Variants in SPTBN2 observed in about 807,000 individuals in gnomAD.
SPTBN2 encodes the protein spectrin beta chain, non-erythrocytic 2.
In SPTBN2, 107 loss-of-function variants were observed where a neutral mutation model predicts 284.2. The observed-to-expected ratio is 0.38, with a 90% CI of 0.32 to 0.44. The LOEUF is 0.44. Ranked by LOEUF, SPTBN2 falls within the 20% of genes least tolerant of loss-of-function variation. The probability of loss-of-function intolerance (pLI) is 1.00; values close to 1 mark genes in which losing one functional copy is unlikely to be tolerated. For synonymous variants in SPTBN2, 1,289 were observed against 1,354.8 expected (o/e 0.95, Z 1.07); for missense variants, 2,569 against 3,287.1 (o/e 0.78, Z 5.34).
chr11:66,703,388 T>C (rs7944095), intron 15 of SPTBN2, among the ~76,000 whole-genome samples: 1,636 of 152,024 alleles, frequency 0.011, 38 homozygotes, highest in African/African-American at 0.037. Flanking sequence ...GACCTAATTA[T>C]ATTTTTTTAA....
rs748517894 is a variant in SPTBN2 at position 66,698,715 on chromosome 11, T to G, written c.3938A>C (p.His1313Pro). The part of the protein sequence containing the change: ...DVSYDEARNL[H>P]TKWQKHQAFM... Reference sequence around the variant, plus strand: ...TGCCTGGTGCTTCTGCCACTTAGTATGCAGGTTGCGGGCCTCGTCATAGGA... The same window carrying G: ...TGCCTGGTGCTTCTGCCACTTAGTAGGCAGGTTGCGGGCCTCGTCATAGGA... The change falls in exon 20 of 38, where the codon CAT becomes CCT. Residue 1313 changes from histidine (H) to proline (P), a missense_variant. Transcript: ENST00000533211. 4 of 1,614,250 alleles carry G rather than the reference T, an allele frequency of 2.5e-6. No individual in the cohort carries two copies. The highest frequency in any genetic ancestry group is 3.3e-5 in the Admixed American group (2 of 60,028).
At chr11:66,739,112 TTTAA>T (rs1565167029) in intron 1 of SPTBN2, among the ~76,000 whole-genome samples, 2 of 151,584 alleles carry the variant, frequency 1.3e-5, no homozygotes, top group African/African-American at 4.9e-5. Flanking sequence ...GGGCCTAAGT[TTTAA>T]TTTTTTTAAA....
At chr11:66,735,546 T>C (rs1380790712) in intron 1 of SPTBN2, among the ~76,000 whole-genome samples, 2 of 151,912 alleles carry the variant, frequency 1.3e-5, no homozygotes, top group Non-Finnish European at 2.9e-5. Context: ...CCTCCATCTT[T>C]ACAAAAACTT....
At position 66,691,402 on chromosome 11, in the gene SPTBN2, C is replaced by T; in HGVS notation, c.5447G>A (p.Arg1816Gln). ...AAGCTGCTGCTGCTTGTGCTGCACC[C>T]GCGCCAGGGCTTGGCGTGCCCCGTG... ...FLHGARQALA[R>Q]VQHKQQQLPD... The change falls in exon 27 of 38, where the codon CGG (arginine) becomes CAG (glutamine). Residue 1816 changes from arginine to glutamine, a missense_variant. Physicochemically the swap from Arg to Gln is conservative, Grantham distance 43 (BLOSUM62 1). This residue lies in a region of SPTBN2 where 1,130 missense variants were observed against 1,317.3 expected (regional missense o/e 0.86). Transcript: ENST00000533211. The surrounding 1 kb of genome is among the most constrained non-coding windows in gnomAD (Gnocchi z 8.0). The T allele has an allele frequency of 6.2e-7, 1 of 1,609,588 alleles. No individual in the cohort carries two copies. Among genetic ancestry groups the T allele is most frequent in the South Asian group, 1.1e-5 (1 of 90,912 alleles).
chr11:66,716,090 G>A, intron 3 of SPTBN2, 109 bp from the exon 4 acceptor site: 2 of 1,447,082 alleles, frequency 1.4e-6, no homozygotes, highest in Non-Finnish European at 1.9e-6. Flanking sequence ...TGGGAAGCGG[G>A]GTCCTCTAAG....
At position 66,696,648 on chromosome 11, in the gene SPTBN2, T is replaced by C. The variant is rs1328655915; in HGVS notation, c.4015-108A>G. On this transcript the variant is annotated intron_variant, in intron 20 of 37. Transcript: ENST00000533211. Reference sequence around the variant, plus strand: ...CAGTAGAGACCTGAAGTGTGGGCAATAATTCCAAGTCCTTGTGTGTTCTTA... The same window carrying C: ...CAGTAGAGACCTGAAGTGTGGGCAACAATTCCAAGTCCTTGTGTGTTCTTA... 4 of 1,436,836 alleles carry C rather than the reference T, an allele frequency of 2.8e-6. No individual in the cohort carries two copies. In the Admixed American group the frequency reaches 6.8e-5, roughly 24 times the overall value. 89.0% of individuals were successfully genotyped at this position (1,436,836 alleles called of 1,614,324 possible).
intron 1 of SPTBN2, among the ~76,000 whole-genome samples, chr11:66,741,959 T>G (rs950642289): frequency 1.3e-5 from 2 of 152,100 alleles, no homozygotes; most frequent in African/African-American, 4.8e-5. Flanking sequence ...TAGTTAGGAC[T>G]GTAGGCATGC....
In SPTBN2 at chr11:66,687,359, C is replaced by A; in HGVS notation, c.6722+68G>T. 6.3e-7 allele frequency: 1 copy of A among 1,580,040 alleles called. No homozygotes were observed. Among genetic ancestry groups the A allele is most frequent in the Admixed American group, 1.7e-5 (1 of 59,970 alleles). ...CCAGAAGATGTACTCTAAAGGGCAT[C>A]CCTCCCTCTATCTGGGCAGAGGCTC... On this transcript the variant is annotated intron_variant, in intron 35 of 37. Coordinates refer to ENST00000533211, the MANE Select transcript of SPTBN2 (RefSeq NM_006946.4). This position sits in a 1 kb window ranked among gnomAD's most constrained non-coding sequence, Gnocchi z 5.2.
chr11:66,705,707 A>G lies in SPTBN2; in HGVS notation c.1784T>C (p.Leu595Pro), dbSNP rs1941510165. ...ERVRAVSASALRFCNPGKEYR... is the reference protein window; with the variant it reads ...ERVRAVSASAPRFCNPGKEYR... ...ACCTTTCCCTGGGTTGCAGAAGCGCAGGGCAGAGGCGCTGACGGCCCGCAC... is the reference window on the plus strand; with the variant it reads ...ACCTTTCCCTGGGTTGCAGAAGCGCGGGGCAGAGGCGCTGACGGCCCGCAC... Residue 595 changes from leucine to proline, a missense_variant, in exon 14 of 38, where the codon CTG becomes CCG. Coordinates refer to ENST00000533211, the MANE Select transcript of SPTBN2 (RefSeq NM_006946.4). The G allele has an allele frequency of 6.2e-7, 1 of 1,612,120 alleles. No individual in the cohort carries two copies. Among genetic ancestry groups the G allele is most frequent in the Non-Finnish European group, 8.5e-7 (1 of 1,179,976 alleles).
At chr11:66,706,666 A>G (rs888988910) in intron 13 of SPTBN2, among the ~76,000 whole-genome samples, 9 of 141,494 alleles carry the variant, frequency 6.4e-5, no homozygotes, top group Non-Finnish European at 3.0e-5. Context: ...GTCTTGCTCT[A>G]TCACCTAGGC....
At chr11:66,706,326 A>G (rs1208533619) in intron 13 of SPTBN2, among the ~76,000 whole-genome samples, 1 of 151,914 alleles carries the variant, frequency 6.6e-6, no homozygotes, top group African/African-American at 2.4e-5. Context: ...CCTTCTAATC[A>G]CTTTATTTAT....
In SPTBN2 at chr11:66,718,398, C is replaced by T. The variant is rs372582706; in HGVS notation, c.158-2417G>A. 3.3e-5 allele frequency among the ~76,000 whole-genome samples: 5 copies of T among 152,380 alleles called. No homozygotes were observed. The East Asian group carries it at 7.7e-4, about 23-fold the overall frequency. On this transcript the variant is annotated intron_variant, in intron 3 of 37. Coordinates refer to ENST00000533211, the MANE Select transcript of SPTBN2 (RefSeq NM_006946.4). This position sits in a 1 kb window ranked among gnomAD's most constrained non-coding sequence, Gnocchi z 4.8. ...CCACTCTCCCCACACCCAGGTCCCT[C>T]TCGCCCAGGCACAGTCGTCCCCACA...
chr11:66,711,593 T>C (rs530015397), intron 8 of SPTBN2, among the ~76,000 whole-genome samples: 1 of 152,142 alleles, frequency 6.6e-6, no homozygotes, highest in South Asian at 2.1e-4. Flanking sequence ...GGGGAGTGTC[T>C]TTCAAGCCGA....
chr11:66,692,398 C>T, intron 26 of SPTBN2, 138 bp downstream of exon 26: 2 of 1,003,868 alleles, frequency 2.0e-6, no homozygotes, highest in South Asian at 2.8e-5. Flanking sequence ...TACCTCAAAA[C>T]CAGGAGGACA....
At chr11:66,689,665 G>A (rs879508226) in intron 29 of SPTBN2, 140 bp downstream of exon 29, 18 of 1,359,788 alleles carry the variant, frequency 1.3e-5, no homozygotes, top group East Asian at 2.3e-5. Context: ...TCCAGAATGC[G>A]AGAAACCCGT....
At chr11:66,696,606 A>C in intron 20 of SPTBN2, 66 bp from the exon 21 acceptor site, 2 of 1,599,914 alleles carry the variant, frequency 1.3e-6, no homozygotes, top group Admixed American at 1.7e-5. Context: ...CTGAGAGCAG[A>C]CCAGGGGCCT....
intron 1 of SPTBN2, among the ~76,000 whole-genome samples, chr11:66,735,249 C>G (rs188737757): frequency 4.6e-5 from 7 of 151,878 alleles, no homozygotes; most frequent in Middle Eastern, 3.4e-3. Context: ...AGGAGAATTG[C>G]TTGAACCCAG....
intron 1 of SPTBN2, among the ~76,000 whole-genome samples, chr11:66,723,094 C>G (rs145348973): frequency 5.9e-5 from 9 of 152,048 alleles, no homozygotes; most frequent in African/African-American, 2.2e-4. Context: ...TGGCTCCTGC[C>G]TAGGGCCCAG....
chr11:66,691,134 T>C lies in SPTBN2; in HGVS notation c.5565+150A>G. 1 of 1,236,796 alleles carries C rather than the reference T, an allele frequency of 8.1e-7. No homozygotes were observed. Among genetic ancestry groups the C allele is most frequent in the Non-Finnish European group, 1.1e-6 (1 of 917,682 alleles). The allele number at this position is 1,236,796 out of a possible 1,614,324, so 76.6% of individuals were successfully genotyped here. A position where few individuals can be genotyped will look rare whatever the true frequency, so the allele number is the denominator to read the frequency against. On this transcript the variant is annotated intron_variant, in intron 27 of 37. Coordinates refer to ENST00000533211, the MANE Select transcript of SPTBN2 (RefSeq NM_006946.4). This position sits in a 1 kb window ranked among gnomAD's most constrained non-coding sequence, Gnocchi z 8.0. ...GCCTGGCCAAACAGAGATGTTTTCT[T>C]GGAGCAATTTCCTCATCTCGAAATG...
Sources: allele counts gnomAD v4.1 joint callset (sites outside exome capture counted in the v4.1 genomes callset), GRCh38; gene constraint gnomAD v4.1.1; regional missense constraint gnomAD v4.1.1; non-coding constraint Gnocchi (gnomAD v3.1); transcripts MANE v1.5; gene names NCBI Gene and HGNC (gene_info 2026-07-23, HGNC 2026-07-21).